SNTG1: variants seen among roughly 807,000 people sequenced by gnomAD.
SNTG1 encodes syntrophin gamma 1.
A neutral mutation model predicts 74.7 loss-of-function variants in SNTG1; 39 were observed. That is an observed-to-expected ratio of 0.52 (90% CI 0.40 to 0.68). SNTG1 has a LOEUF of 0.68. SNTG1 is among the 30% of genes least tolerant of loss of function. The pLI, the probability that SNTG1 is intolerant of heterozygous loss-of-function variation, is 0.00. For missense variants in SNTG1, 685 were observed against 609.5 expected, an observed-to-expected ratio of 1.12 and a Z score of -1.30; for synonymous variants, 254 against 217.1, an observed-to-expected ratio of 1.17 and a Z score of -1.49.
At chr8:50,548,918 G>C (rs1190466738) in intron 11 of SNTG1, among the ~76,000 whole-genome samples, 2 of 152,192 alleles carry the variant, frequency 1.3e-5, no homozygotes, top group Non-Finnish European at 2.9e-5. Context: ...TGCAGAATAT[G>C]TGTTGCCTTC....
intron 2 of SNTG1, among the ~76,000 whole-genome samples, chr8:50,300,301 A>T (rs1172860139): frequency 1.3e-5 from 2 of 152,286 alleles, no homozygotes; most frequent in East Asian, 3.9e-4. Context: ...TTAATTAAAC[A>T]CATGCACATA....
intron 1 of SNTG1, among the ~76,000 whole-genome samples, chr8:49,963,266 C>T (rs1312499260): frequency 1.3e-5 from 2 of 151,868 alleles, no homozygotes; most frequent in African/African-American, 2.4e-5. Context: ...GCTGTATGAA[C>T]GGTTTGCTGC....
At chr8:50,582,849 A>G (rs2094620049) in intron 12 of SNTG1, among the ~76,000 whole-genome samples, 1 of 152,162 alleles carries the variant, frequency 6.6e-6, no homozygotes. Context: ...CTAAAATCAC[A>G]TATTTTGGGA....
intron 1 of SNTG1, among the ~76,000 whole-genome samples, chr8:50,108,595 A>G (rs188406527): frequency 1.3e-5 from 2 of 152,360 alleles, no homozygotes; most frequent in Non-Finnish European, 2.9e-5. Flanking sequence ...GGTAAAATTT[A>G]CAACTGAATA....
rs571072496 is a variant in SNTG1, at chr8:50,740,795, A to T, written c.1285-11206A>T. 2.2e-3 allele frequency among the ~76,000 whole-genome samples: 339 copies of T among 152,202 alleles called. 2 individuals carry two copies. The highest frequency in any genetic ancestry group is 7.5e-3 in the African/African-American group (310 of 41,540). On this transcript the variant is annotated intron_variant, in intron 17 of 18. Transcript: ENST00000642720. ...AAATAGTGGTGTATATACACCATGG[A>T]ATACTAAGCAGCCATAAAAAAGAAT... is the stretch of plus-strand genomic sequence containing the variant.
At chr8:50,167,393 C>A (rs1437424938) in intron 1 of SNTG1, among the ~76,000 whole-genome samples, 1 of 150,976 alleles carries the variant, frequency 6.6e-6, no homozygotes, top group African/African-American at 2.4e-5. Context: ...CCAACTTTTC[C>A]TATATGTCAC....
At chr8:50,776,313 T>C (rs1250708700) in intron 18 of SNTG1, among the ~76,000 whole-genome samples, 1 of 150,056 alleles carries the variant, frequency 6.7e-6, no homozygotes, top group Non-Finnish European at 1.5e-5. Flanking sequence ...CTTCACATTC[T>C]AGTGAAATCA....
intron 15 of SNTG1, among the ~76,000 whole-genome samples, chr8:50,687,813 C>G (rs1420583977): frequency 6.6e-6 from 1 of 152,040 alleles, no homozygotes; most frequent in Non-Finnish European, 1.5e-5. Context: ...GGAGTGAGAA[C>G]ATACAGTGTT....
At chr8:50,196,559 T>C (rs769148158) in intron 2 of SNTG1, among the ~76,000 whole-genome samples, 15 of 152,126 alleles carry the variant, frequency 9.9e-5, no homozygotes, top group Non-Finnish European at 1.5e-4. Context: ...GCTTTCTTTT[T>C]TAATTTCATT....
At chr8:50,745,887 A>G (rs920251738) in intron 17 of SNTG1, among the ~76,000 whole-genome samples, 9 of 151,950 alleles carry the variant, frequency 5.9e-5, no homozygotes, top group Non-Finnish European at 1.0e-4. Flanking sequence ...AAGTGAAGAC[A>G]TATGATTAAT....
chr8:50,244,789 A>C (rs2086318348), intron 2 of SNTG1, among the ~76,000 whole-genome samples: 1 of 152,218 alleles, frequency 6.6e-6, no homozygotes, highest in Non-Finnish European at 1.5e-5. Context: ...TATTCAGGTT[A>C]AGAAAAACTT....
rs527538676 is a variant in SNTG1, at chr8:50,381,084, G to C, written c.-27-13128G>C. On this transcript the variant is annotated intron_variant, in intron 2 of 18. Coordinates refer to ENST00000642720, the MANE Select transcript of SNTG1 (RefSeq NM_018967.5). ...CTACATGGATCAAAGATGAGGTAGGGGACATTCATATATTGTCATTTTTTA... is the reference window on the plus strand; with the variant it reads ...CTACATGGATCAAAGATGAGGTAGGCGACATTCATATATTGTCATTTTTTA... 20 of 152,020 alleles carry C rather than the reference G, an allele frequency of 1.3e-4. No individual in the cohort carries two copies. The South Asian group carries it at 4.0e-3, about 30-fold the overall frequency. 9.4% of individuals were successfully genotyped at this position (152,020 alleles called of 1,614,324 possible). A position where few individuals can be genotyped will look rare whatever the true frequency, so the allele number is the denominator to read the frequency against.
intron 1 of SNTG1, among the ~76,000 whole-genome samples, chr8:49,947,077 A>C (rs1809260253): frequency 6.6e-6 from 1 of 152,208 alleles, no homozygotes; most frequent in South Asian, 2.1e-4. Context: ...AGGTGGGCAG[A>C]TCACTTGAGG....
chr8:50,585,320 A>G (rs1191983625), intron 12 of SNTG1, among the ~76,000 whole-genome samples: 2 of 152,298 alleles, frequency 1.3e-5, no homozygotes, highest in East Asian at 3.9e-4. Context: ...TTTTACAGCC[A>G]GAGGATTAAT....
intron 17 of SNTG1, among the ~76,000 whole-genome samples, chr8:50,749,332 T>C (rs2095562018): frequency 6.6e-6 from 1 of 151,978 alleles, no homozygotes; most frequent in African/African-American, 2.4e-5. Flanking sequence ...TAGCATAAGT[T>C]TGTTCATGAG....
chr8:50,144,964 G>A (rs891557604), intron 1 of SNTG1, among the ~76,000 whole-genome samples: 3 of 152,182 alleles, frequency 2.0e-5, no homozygotes, highest in African/African-American at 7.2e-5. Context: ...GCTGCCTGCA[G>A]TGCTCTGGGC....
chr8:50,249,501 A>C (rs2086551774), intron 2 of SNTG1, among the ~76,000 whole-genome samples: 1 of 152,154 alleles, frequency 6.6e-6, no homozygotes, highest in African/African-American at 2.4e-5. Context: ...CTCTAGAGGA[A>C]CTCTTGCTCA....
chr8:50,162,559 C>CAAAAAAAAAAA (rs34746562), intron 1 of SNTG1, among the ~76,000 whole-genome samples: 1 of 83,936 alleles, frequency 1.2e-5, no homozygotes, highest in Non-Finnish European at 2.3e-5. Context: ...GACTCTGTCT[C>CAAAAAAAAAAA]AAAAAAAAAA....
chr8:50,729,756 C>T (rs1229155024), intron 17 of SNTG1, among the ~76,000 whole-genome samples: 1 of 152,152 alleles, frequency 6.6e-6, no homozygotes, highest in Non-Finnish European at 1.5e-5. Flanking sequence ...TAAGCTGACC[C>T]ACAGGTAATT....
Sources: allele counts gnomAD v4.1 joint callset (sites outside exome capture counted in the v4.1 genomes callset), GRCh38; gene constraint gnomAD v4.1.1; transcripts MANE v1.5; gene names NCBI Gene and HGNC (gene_info 2026-07-23, HGNC 2026-07-21).